The following TANC1 variants were observed in gnomAD, a reference collection of about 807,000 sequenced individuals.
TANC1 encodes the protein protein TANC1.
A neutral mutation model predicts 149.7 loss-of-function variants in TANC1; 77 were observed. The observed-to-expected ratio is 0.51, with a 90% CI of 0.43 to 0.62. TANC1 has a LOEUF of 0.62. TANC1 is among the 20% of genes least tolerant of loss of function. The pLI, the probability that TANC1 is intolerant of heterozygous loss-of-function variation, is 0.00. For missense variants in TANC1, 1,985 were observed against 2,321.8 expected, an observed-to-expected ratio of 0.85 and a Z score of 2.98; for synonymous variants, 854 against 925.0, an observed-to-expected ratio of 0.92 and a Z score of 1.39.
At chr2:159,047,315 T>A (rs571915785) in intron 2 of TANC1, among the ~76,000 whole-genome samples, 2 of 152,024 alleles carry the variant, frequency 1.3e-5, no homozygotes, top group African/African-American at 4.8e-5. Context: ...AAATTTGTGA[T>A]TCATCCTTCA....
At position 159,224,398 on chromosome 2, in the gene TANC1, G is replaced by A. The variant is rs372193918; in HGVS notation, c.3811+34G>A. 16 of 1,613,464 alleles carry A rather than the reference G, an allele frequency of 9.9e-6. No homozygotes were observed. The African/African-American group carries it at 2.1e-4, about 22-fold the overall frequency. ...GCACTGCCTCCATTGAGCAGGAGGA[G>A]CGGTGAGCTCCCGATTGTAGAAGCC... On this transcript the variant is annotated intron_variant, in intron 23 of 26. Coordinates refer to ENST00000263635, the MANE Select transcript of TANC1 (RefSeq NM_033394.3).
Position 159,082,561 on chromosome 2 carries a change from TG to T in TANC1, c.62-15075del, listed in dbSNP as rs2044386934. On this transcript the variant is annotated intron_variant, in intron 3 of 26. Coordinates refer to ENST00000263635, the MANE Select transcript of TANC1 (RefSeq NM_033394.3). ...ATTTTTGTTTCCTAGCTCACTTGTCTGTGTGGCAAACATGACCCTCGCCTTT... is the reference window on the plus strand; with the variant it reads ...ATTTTTGTTTCCTAGCTCACTTGTCTTGTGGCAAACATGACCCTCGCCTTT... Among the ~76,000 whole-genome samples, 3 of 152,334 alleles carry T rather than the reference TG, an allele frequency of 2.0e-5. No individual in the cohort carries two copies. The East Asian group carries it at 5.8e-4, about 29-fold the overall frequency.
At chr2:159,186,731 G>A (rs2056995059) in intron 15 of TANC1, 171 bp from the exon 16 acceptor site, 4 of 720,400 alleles carry the variant, frequency 5.6e-6, no homozygotes, top group Non-Finnish European at 6.8e-6. Context: ...TTGGTTTCAG[G>A]TAGTGAAAGC....
At chr2:159,090,529 G>A (rs1467231633) in intron 3 of TANC1, among the ~76,000 whole-genome samples, 1 of 152,126 alleles carries the variant, frequency 6.6e-6, no homozygotes, top group African/African-American at 2.4e-5. Flanking sequence ...CTGTGTGGAG[G>A]GTGTTGGAAA....
At chr2:159,046,019 G>A (rs550554451) in intron 2 of TANC1, among the ~76,000 whole-genome samples, 2 of 152,176 alleles carry the variant, frequency 1.3e-5, no homozygotes, top group East Asian at 1.9e-4. Context: ...GTGGTAACAC[G>A]TTTCTCAAAG....
chr2:159,056,807 A>G, intron 2 of TANC1: 1 of 342,106 alleles, frequency 2.9e-6, no homozygotes. Context: ...TGGGCAGATT[A>G]GGAAAGTCCA....
At position 159,229,617 on chromosome 2, in the gene TANC1, G is replaced by A; in HGVS notation, c.4191G>A (p.Val1397=). 1 of 1,613,792 alleles carries A rather than the reference G, an allele frequency of 6.2e-7. No homozygotes were observed. The highest frequency in any genetic ancestry group is 1.7e-4 in the Middle Eastern group (1 of 6,056). Residue 1397 remains valine, a synonymous_variant, in exon 27 of 27, where the codon GTG becomes GTA. Transcript: ENST00000263635. The part of the protein sequence containing the change: ...VAALADLQEA[V]KLCPTNQEVK... ...CTCTGGCTGACCTGCAAGAGGCTGT[G>A]AAACTCTGTCCCACCAATCAGGAAG... is the stretch of plus-strand genomic sequence containing the variant.
chr2:159,007,638 T>C (rs2037345822), intron 2 of TANC1, among the ~76,000 whole-genome samples: 1 of 152,218 alleles, frequency 6.6e-6, no homozygotes, highest in Non-Finnish European at 1.5e-5. Context: ...CACTCTGTGA[T>C]GTTCATACGG....
chr2:159,174,998 C>T lies in TANC1; in HGVS notation c.1549C>T (p.Leu517=). The change falls in exon 12 of 27, where the codon CTG becomes TTG. Residue 517 remains leucine, a synonymous_variant. Transcript: ENST00000263635. The stretch of plus-strand genomic sequence containing the variant: ...CCAGGCTGACAACACGTACACTTGC[C>T]TGGTGCCCGAGTTTGTGCACAGCAT... ...YCQADNTYTC[L]VPEFVHSIAA... is the part of the protein sequence containing the mutation. The T allele has an allele frequency of 6.2e-7, 1 of 1,614,192 alleles. No homozygotes were observed. Among genetic ancestry groups the T allele is most frequent in the Non-Finnish European group, 8.5e-7 (1 of 1,180,048 alleles).
chr2:159,224,250 A>C lies in TANC1; in HGVS notation c.3697A>C (p.Lys1233Gln). ...TCTGCAGGTGCTGTACCTGGTGGAG[A>C]AGGGAGCCGTGATCGAGCATGTGGA... ...DAETVLYLVE[K>Q]GAVIEHVDHS... The change falls in exon 23 of 27, where the codon AAG (lysine) becomes CAG (glutamine). Residue 1233 changes from lysine to glutamine, a missense_variant. By Grantham distance (53) the Lys-to-Gln change is moderately conservative. Coordinates refer to ENST00000263635, the MANE Select transcript of TANC1 (RefSeq NM_033394.3). 1 of 1,614,116 alleles carries C rather than the reference A, an allele frequency of 6.2e-7. No individual in the cohort carries two copies. The highest frequency in any genetic ancestry group is 8.5e-7 in the Non-Finnish European group (1 of 1,180,016).
At position 159,144,256 on chromosome 2, in the gene TANC1, A is replaced by G. The variant is rs78908095; in HGVS notation, c.365-4886A>G. Among the ~76,000 whole-genome samples the G allele has an allele frequency of 7.4e-3, 1,122 of 152,290 alleles. 14 individuals are homozygous for G. Among genetic ancestry groups the G allele is most frequent in the African/African-American group, 0.025 (1,051 of 41,546 alleles). On this transcript the variant is annotated intron_variant, in intron 5 of 26. Coordinates refer to ENST00000263635, the MANE Select transcript of TANC1 (RefSeq NM_033394.3). Reference sequence around the variant, plus strand: ...TAGTAAGTTTGGTGATAATTTCAATATGGGGTGGATGACATGAAAATTTTG... The same window carrying G: ...TAGTAAGTTTGGTGATAATTTCAATGTGGGGTGGATGACATGAAAATTTTG...
chr2:159,019,863 C>T (rs1316662721), intron 2 of TANC1, among the ~76,000 whole-genome samples: 3 of 151,498 alleles, frequency 2.0e-5, no homozygotes, highest in Admixed American at 6.6e-5. Context: ...TTCAGCCTCC[C>T]GAAGTGTTGG....
chr2:159,137,777 C>G (rs1292711723), intron 5 of TANC1, among the ~76,000 whole-genome samples: 5 of 152,186 alleles, frequency 3.3e-5, no homozygotes, highest in South Asian at 2.1e-4. Flanking sequence ...TTCTTCCCCA[C>G]CCACCAAAGC....
At chr2:159,200,331 C>G (rs1348984954) in intron 19 of TANC1, among the ~76,000 whole-genome samples, 1 of 152,120 alleles carries the variant, frequency 6.6e-6, no homozygotes, top group East Asian at 1.9e-4. Context: ...ATTTGATTTT[C>G]TTAACAAGCA....
chr2:159,230,556 G>C lies in TANC1; in HGVS notation c.5130G>C (p.Gln1710His), dbSNP rs371669335. 2.8e-5 allele frequency: 45 copies of C among 1,614,074 alleles called. No homozygotes were observed. The highest frequency in any genetic ancestry group is 3.6e-5 in the Non-Finnish European group (42 of 1,180,052). Residue 1710 changes from glutamine (Q) to histidine (H), a missense_variant, in exon 27 of 27, where the codon CAG becomes CAC. By Grantham distance (24) the Gln-to-His change is conservative. Transcript: ENST00000263635. The surrounding 1 kb of genome is among the most constrained non-coding windows in gnomAD (Gnocchi z 4.4). Reference protein sequence around the residue: ...RIKDKVVTHVQSGTAEHRPRN... With the variant: ...RIKDKVVTHVHSGTAEHRPRN... ...AAGACAAGGTTGTAACCCACGTTCA[G>C]AGCGGTACAGCTGAGCACAGACCCC...
In TANC1 at chr2:159,172,122, C is replaced by T. The variant is rs1013243906; in HGVS notation, c.1353C>T (p.Thr451=). 3.7e-6 allele frequency: 6 copies of T among 1,614,040 alleles called. No homozygotes were observed. The highest frequency in any genetic ancestry group is 5.1e-6 in the Non-Finnish European group (6 of 1,179,928). Residue 451 remains threonine (T), a splice_region_variant and synonymous_variant, in exon 11 of 27, where the codon ACC becomes ACT. Transcript: ENST00000263635. ...AATGAAATGGGTCTTTCTCTGCAGCCTCTGACCCCACTCAGGATCTTCATT... is the reference window on the plus strand; with the variant it reads ...AATGAAATGGGTCTTTCTCTGCAGCTTCTGACCCCACTCAGGATCTTCATT... The part of the protein sequence containing the change: ...ASNSPGSSPK[T]SDPTQDLHFT...
At chr2:159,176,573 T>G (rs2055877518) in intron 13 of TANC1, 55 bp downstream of exon 13, 13 of 1,319,880 alleles carry the variant, frequency 9.8e-6, no homozygotes, top group Non-Finnish European at 1.3e-5. Context: ...TTTACAGTGA[T>G]AAATGTTAAT....
At chr2:159,152,354 C>T (rs1405710907) in intron 7 of TANC1, among the ~76,000 whole-genome samples, 2 of 152,170 alleles carry the variant, frequency 1.3e-5, no homozygotes, top group Non-Finnish European at 2.9e-5. Flanking sequence ...AATTTTGTCT[C>T]CTGCAGATAG....
Position 159,207,776 on chromosome 2 carries a change from T to C in TANC1, c.3244+8723T>C, listed in dbSNP as rs529119857. On this transcript the variant is annotated intron_variant, in intron 19 of 26. Transcript: ENST00000263635. ...CTCTAGCTGTGGGACCTTAAGTAAG[T>C]GGTTTAATTTCGGAGGCTTATTTTC... Among the ~76,000 whole-genome samples, 4 of 143,154 alleles carry C rather than the reference T, an allele frequency of 2.8e-5. No homozygotes were observed. In the East Asian group the frequency reaches 8.6e-4, roughly 31 times the overall value. 93.9% of individuals were successfully genotyped at this position (143,154 alleles called of 152,430 possible).
Sources: gnomAD v4.1 joint callset for allele counts (sites outside exome capture counted in the v4.1 genomes callset) on GRCh38, gnomAD v4.1.1 for gene constraint, Gnocchi (gnomAD v3.1) non-coding constraint, MANE v1.5 for transcripts, NCBI Gene and HGNC (gene_info 2026-07-23, HGNC 2026-07-21) for gene names.